The following LNPK variants were observed in gnomAD, a reference collection of about 807,000 sequenced individuals.
LNPK encodes endoplasmic reticulum junction formation protein lunapark.
LNPK carries 29 observed loss-of-function variants against 55.2 expected under a neutral mutation model. The observed-to-expected ratio is 0.53, with a 90% confidence interval of 0.39 to 0.72. The LOEUF (loss-of-function observed/expected upper bound fraction) is 0.72, where lower values mean the gene tolerates loss of function less well. Ranked by LOEUF, LNPK falls within the 30% of genes least tolerant of loss-of-function variation. The pLI is 0.00. For synonymous variants in LNPK, 162 were observed against 168.2 expected (o/e 0.96, Z 0.29); for missense variants, 467 against 494.8 (o/e 0.94, Z 0.53).
At chr2:175,960,125 C>T (rs1275434264) in intron 8 of LNPK, among the ~76,000 whole-genome samples, 1 of 152,124 alleles carries the variant, frequency 6.6e-6, no homozygotes, top group Non-Finnish European at 1.5e-5. Context: ...CTTTAACACC[C>T]CACTGTCAAT....
At chr2:175,988,760 A>G (rs1200108741) in intron 4 of LNPK, among the ~76,000 whole-genome samples, 1 of 151,988 alleles carries the variant, frequency 6.6e-6, no homozygotes, top group African/African-American at 2.4e-5. Flanking sequence ...CTTCTTTATT[A>G]TATATAAAAG....
chr2:175,956,278 CAAAAAAAA>C (rs10630601), intron 8 of LNPK, among the ~76,000 whole-genome samples: 1 of 108,546 alleles, frequency 9.2e-6, no homozygotes, highest in East Asian at 3.0e-4. Flanking sequence ...ACCATGTATT[CAAAAAAAA>C]AAAAAAAAAA....
intron 8 of LNPK, among the ~76,000 whole-genome samples, chr2:175,957,161 C>T (rs571296188): frequency 6.6e-6 from 1 of 152,126 alleles, no homozygotes; most frequent in African/African-American, 2.4e-5. Context: ...AGTTTGAGAC[C>T]AGCCTGGCTG....
Position 175,939,604 on chromosome 2 carries a change from C to T in LNPK, c.760G>A (p.Gly254Ser). 7 of 1,609,122 alleles carry T rather than the reference C, an allele frequency of 4.4e-6. No individual in the cohort carries two copies. Among genetic ancestry groups the T allele is most frequent in the Non-Finnish European group, 5.1e-6 (6 of 1,176,520 alleles). The part of the protein sequence containing the change: ...LARPILPRER[G>S]ALDRIVEYLV... ...TATTCAACAATTCTATCCAAAGCACCTCGTTCTCGGGGGAGAATAGGTCTT... is the reference window on the plus strand; with the variant it reads ...TATTCAACAATTCTATCCAAAGCACTTCGTTCTCGGGGGAGAATAGGTCTT... Residue 254 changes from glycine (G) to serine (S), a missense_variant, in exon 10 of 13, where the codon GGT becomes AGT. Transcript: ENST00000272748.
chr2:175,999,750 G>A (rs571936724), intron 1 of LNPK, among the ~76,000 whole-genome samples: 2 of 152,138 alleles, frequency 1.3e-5, no homozygotes, highest in Admixed American at 6.6e-5. Context: ...TTAAGAGCAG[G>A]GTGCATCTAA....
Position 175,930,204 on chromosome 2 carries a change from A to G in LNPK, c.1055-5T>C. On this transcript the variant is annotated splice_polypyrimidine_tract_variant and splice_region_variant and intron_variant, in intron 12 of 12. Coordinates refer to ENST00000272748, the MANE Select transcript of LNPK (RefSeq NM_030650.3). ...GAACATCGTGTTCTAAAGATTCTGA[A>G]AAGATAAAGATTCAAAACTTTAGGA... The G allele has an allele frequency of 6.2e-7, 1 of 1,610,048 alleles. No individual in the cohort carries two copies. The highest frequency in any genetic ancestry group is 8.5e-7 in the Non-Finnish European group (1 of 1,178,394).
At chr2:175,995,478 C>T in intron 2 of LNPK, 80 bp downstream of exon 2, 1 of 1,100,262 alleles carries the variant, frequency 9.1e-7, no homozygotes, top group Non-Finnish European at 1.3e-6. Flanking sequence ...AGGCTATAAT[C>T]AAAGGAGACT....
intron 6 of LNPK, among the ~76,000 whole-genome samples, chr2:175,967,270 T>C (rs568733664): frequency 1.4e-4 from 22 of 152,318 alleles, no homozygotes; most frequent in African/African-American, 5.3e-4. Context: ...TTTTAAAAGA[T>C]AGAATAATAA....
intron 4 of LNPK, among the ~76,000 whole-genome samples, chr2:175,985,309 T>C (rs765325422): frequency 6.6e-6 from 1 of 152,192 alleles, no homozygotes; most frequent in Non-Finnish European, 1.5e-5. Flanking sequence ...CTACAGGCGA[T>C]AAAATTGCAC....
Position 175,927,145 on chromosome 2 carries a change from G to T in LNPK, c.*2822C>A, listed in dbSNP as rs1437888999. The T allele has an allele frequency of 1.3e-5, 2 of 152,142 alleles. No individual in the cohort carries two copies. Among genetic ancestry groups the T allele is most frequent in the African/African-American group, 4.8e-5 (2 of 41,422 alleles). 9.4% of individuals were successfully genotyped at this position (152,142 alleles called of 1,614,324 possible). On this transcript the variant is annotated 3_prime_UTR_variant, in exon 13 of 13. Transcript: ENST00000272748. ...AGGCCAGAGAAATAAGAGAATAATAGTGTGATATATGAAAAGCCAAAAGAA... is the reference window on the plus strand; with the variant it reads ...AGGCCAGAGAAATAAGAGAATAATATTGTGATATATGAAAAGCCAAAAGAA...
rs1032563623 is a variant in LNPK, at chr2:175,929,912, T to C, written c.*55A>G. Reference sequence around the variant, plus strand: ...AAAGTAAGTGCCACCGAAAAAGCAATAACTGACATCAGTAAGACTATAAAT... The same window carrying C: ...AAAGTAAGTGCCACCGAAAAAGCAACAACTGACATCAGTAAGACTATAAAT... On this transcript the variant is annotated 3_prime_UTR_variant, in exon 13 of 13. Coordinates refer to ENST00000272748, the MANE Select transcript of LNPK (RefSeq NM_030650.3). 3.1e-6 allele frequency: 5 copies of C among 1,599,888 alleles called. No homozygotes were observed. In the African/African-American group the frequency reaches 6.7e-5, roughly 22 times the overall value.
intron 2 of LNPK, chr2:175,994,187 T>C (rs1431213871): frequency 3.1e-6 from 3 of 982,126 alleles, no homozygotes; most frequent in South Asian, 4.7e-5. Context: ...CATTGTAGTT[T>C]CCATAAGAGT....
intron 9 of LNPK, chr2:175,941,158 G>C (rs1392188027): frequency 3.0e-6 from 1 of 338,754 alleles, no homozygotes; most frequent in Non-Finnish European, 5.8e-6. Context: ...GGCAGAGGTA[G>C]AAGGACTGCT....
intron 6 of LNPK, among the ~76,000 whole-genome samples, chr2:175,965,364 C>T (rs1323137977): frequency 2.0e-5 from 3 of 152,162 alleles, no homozygotes; most frequent in African/African-American, 4.8e-5. Flanking sequence ...GTATCACTAG[C>T]AGTTACGGCT....
chr2:175,970,735 AAATT>A, intron 6 of LNPK, 25 bp downstream of exon 6: 1 of 1,169,768 alleles, frequency 8.5e-7, no homozygotes, highest in Non-Finnish European at 1.2e-6. Flanking sequence ...AGTTTAATAT[AAATT>A]AATTTTAAAT....
At chr2:175,932,689 G>A (rs560078329) in intron 12 of LNPK, among the ~76,000 whole-genome samples, 1 of 152,232 alleles carries the variant, frequency 6.6e-6, no homozygotes, top group East Asian at 1.9e-4. Flanking sequence ...AAGTGTAAAT[G>A]ATTAACAGAG....
intron 9 of LNPK, among the ~76,000 whole-genome samples, chr2:175,945,701 T>C (rs1685092085): frequency 6.6e-6 from 1 of 152,066 alleles, no homozygotes; most frequent in Non-Finnish European, 1.5e-5. Flanking sequence ...CTTGCAAGAG[T>C]ATTTTACTTC....
At chr2:175,977,577 T>A (rs1469615121) in intron 5 of LNPK, among the ~76,000 whole-genome samples, 2 of 152,126 alleles carry the variant, frequency 1.3e-5, no homozygotes, top group African/African-American at 4.8e-5. Flanking sequence ...AATAACTGAA[T>A]TAATTCAAAT....
chr2:175,931,891 T>C (rs1684295916), intron 12 of LNPK, among the ~76,000 whole-genome samples: 1 of 152,184 alleles, frequency 6.6e-6, no homozygotes, highest in African/African-American at 2.4e-5. Flanking sequence ...ACCAATCATT[T>C]GTAATTCTAC....
Sources: allele counts gnomAD v4.1 joint callset (sites outside exome capture counted in the v4.1 genomes callset), GRCh38; gene constraint gnomAD v4.1.1; transcripts MANE v1.5; gene names NCBI Gene and HGNC (gene_info 2026-07-23, HGNC 2026-07-21).